Variants in SLC8A2 observed in about 807,000 individuals in gnomAD.
SLC8A2 encodes the protein solute carrier family 8 member A2, also known as sodium/calcium exchanger 2.
A neutral mutation model predicts 70.2 loss-of-function variants in SLC8A2; 14 were observed. That is an observed-to-expected ratio of 0.20 (90% CI 0.13 to 0.31). SLC8A2 has a LOEUF of 0.31. Among genes scored for constraint, SLC8A2 ranks in the 10% least tolerant of loss-of-function variants. The pLI is 1.00. For missense variants in SLC8A2, 779 were observed against 1,320.1 expected (o/e 0.59, Z 6.35); for synonymous variants, 575 against 594.3 (o/e 0.97, Z 0.47).
At position 47,457,532 on chromosome 19, in the gene SLC8A2, G is replaced by C; in HGVS notation, c.738C>G (p.Ala246=). ...FPVCVVFAWM[A]DKRLLFYKYV... is the part of the protein sequence containing the mutation. Reference sequence around the variant, plus strand: ...ACTTGTAGAAGAGCAGCCGCTTGTCGGCCATCCAGGCGAATACCACGCACA... The same window carrying C: ...ACTTGTAGAAGAGCAGCCGCTTGTCCGCCATCCAGGCGAATACCACGCACA... The change falls in exon 3 of 10, where the codon GCC becomes GCG. Residue 246 remains alanine (A), a synonymous_variant. Coordinates refer to ENST00000236877, the MANE Select transcript of SLC8A2 (RefSeq NM_015063.3). 6.2e-7 allele frequency: 1 copy of C among 1,602,494 alleles called. No homozygotes were observed. The highest frequency in any genetic ancestry group is 1.1e-5 in the South Asian group (1 of 88,888).
rs1025295080 is a variant in SLC8A2 at position 47,429,240 on chromosome 19, GT to G, written c.*848del. 1.2e-4 allele frequency: 19 copies of G among 152,500 alleles called. No homozygotes were observed. Among genetic ancestry groups the G allele is most frequent in the African/African-American group, 4.6e-4 (19 of 41,372 alleles). The allele number at this position is 152,500 out of a possible 1,614,324, so 9.4% of individuals were successfully genotyped here. Reference sequence around the variant, plus strand: ...GGAGTCTGCTGCCCTCTCAAAAGTTGTCTGTCACCCCCTTTTCCCAAGACAT... The same window carrying G: ...GGAGTCTGCTGCCCTCTCAAAAGTTGCTGTCACCCCCTTTTCCCAAGACAT... On this transcript the variant is annotated 3_prime_UTR_variant, in exon 10 of 10. Transcript: ENST00000236877.
Position 47,466,424 on chromosome 19 carries a change from G to C in SLC8A2, c.-16-5C>G. On this transcript the variant is annotated splice_polypyrimidine_tract_variant and splice_region_variant and intron_variant, in intron 1 of 9. Transcript: ENST00000236877. This position sits in a 1 kb window ranked among gnomAD's most constrained non-coding sequence, Gnocchi z 6.9. ...GCCATGGGGGGTGGTGGGGTCCTATGGGGGAGGAGGAGGAGGTCTGGGTGA... is the reference window on the plus strand; with the variant it reads ...GCCATGGGGGGTGGTGGGGTCCTATCGGGGAGGAGGAGGAGGTCTGGGTGA... 1 of 1,106,028 alleles carries C rather than the reference G, an allele frequency of 9.0e-7. No individual in the cohort carries two copies. Among genetic ancestry groups the C allele is most frequent in the Non-Finnish European group, 1.3e-6 (1 of 798,738 alleles). 68.5% of individuals were successfully genotyped at this position (1,106,028 alleles called of 1,614,324 possible).
intron 4 of SLC8A2, among the ~76,000 whole-genome samples, chr19:47,444,232 T>C (rs1442698364): frequency 6.6e-6 from 1 of 151,986 alleles, no homozygotes; most frequent in African/African-American, 2.4e-5. Flanking sequence ...CCTGTCTCTG[T>C]CTTTCAGAGT....
chr19:47,447,678 C>A lies in SLC8A2; in HGVS notation c.1763+131G>T. Reference sequence around the variant, plus strand: ...TGCGGGCACGGCCACGCAGGCCCCTCCCCTCCCGAGGCCCAACCAAGACCC... The same window carrying A: ...TGCGGGCACGGCCACGCAGGCCCCTACCCTCCCGAGGCCCAACCAAGACCC... On this transcript the variant is annotated intron_variant, in intron 4 of 9. Coordinates refer to ENST00000236877, the MANE Select transcript of SLC8A2 (RefSeq NM_015063.3). The surrounding 1 kb of genome is among the most constrained non-coding windows in gnomAD (Gnocchi z 5.1). 3.1e-6 allele frequency: 3 copies of A among 976,780 alleles called. No individual in the cohort carries two copies. The highest frequency in any genetic ancestry group is 1.7e-5 in the African/African-American group (1 of 57,152). The allele number at this position is 976,780 out of a possible 1,614,324, so 60.5% of individuals were successfully genotyped here. A position where few individuals can be genotyped will look rare whatever the true frequency, so the allele number is the denominator to read the frequency against.
intron 6 of SLC8A2, among the ~76,000 whole-genome samples, chr19:47,439,112 C>T (rs1051403511): frequency 2.0e-5 from 3 of 152,180 alleles, no homozygotes; most frequent in Non-Finnish European, 4.4e-5. Context: ...AACTCTCTTG[C>T]CCTGTTCACC....
rs574989557 is a variant in SLC8A2, at chr19:47,443,615, C to G, written c.1764-2175G>C. The stretch of plus-strand genomic sequence containing the variant: ...GTCAGTTAGCACGACTCCCCCACCA[C>G]AGCCTTGGCGACATCGCCACCCTGC... On this transcript the variant is annotated intron_variant, in intron 4 of 9. Transcript: ENST00000236877. 2.9e-4 allele frequency among the ~76,000 whole-genome samples: 44 copies of G among 152,366 alleles called. 1 individual carries two copies. The South Asian group carries it at 9.1e-3, about 32-fold the overall frequency.
At position 47,465,849 on chromosome 19, in the gene SLC8A2, T is replaced by A. The variant is rs759770563; in HGVS notation, c.555A>T (p.Pro185=). The change falls in exon 2 of 10, where the codon CCA becomes CCT. Residue 185 remains proline (P), a synonymous_variant. Transcript: ENST00000236877. The surrounding 1 kb of genome is among the most constrained non-coding windows in gnomAD (Gnocchi z 5.5). ...VVIAVCIYVI[P]AGESRKIKHL... is the part of the protein sequence containing the mutation. ...GCTTGATCTTGCGGCTCTCGCCGGCTGGGATGACGTAGATGCACACGGCGA... is the reference window on the plus strand; with the variant it reads ...GCTTGATCTTGCGGCTCTCGCCGGCAGGGATGACGTAGATGCACACGGCGA... 1 of 1,614,170 alleles carries A rather than the reference T, an allele frequency of 6.2e-7. No homozygotes were observed. The highest frequency in any genetic ancestry group is 8.5e-7 in the Non-Finnish European group (1 of 1,180,038).
intron 4 of SLC8A2, among the ~76,000 whole-genome samples, chr19:47,442,910 T>G (rs1057234912): frequency 3.3e-5 from 5 of 152,156 alleles, no homozygotes; most frequent in African/African-American, 1.2e-4. Flanking sequence ...CTTGAACTCC[T>G]GCCCTCAAGT....
At chr19:47,461,392 C>G (rs954647095) in intron 2 of SLC8A2, among the ~76,000 whole-genome samples, 22 of 152,038 alleles carry the variant, frequency 1.4e-4, no homozygotes, top group Non-Finnish European at 2.5e-4. Context: ...GCCTGTAATT[C>G]CAGCTATTAG....
At chr19:47,461,356 A>G (rs530590888) in intron 2 of SLC8A2, among the ~76,000 whole-genome samples, 33 of 152,038 alleles carry the variant, frequency 2.2e-4, no homozygotes, top group Non-Finnish European at 3.7e-4. Context: ...TAAAAATACA[A>G]AAATCAGCCA....
chr19:47,467,636 T>C (rs1339199873), intron 1 of SLC8A2, among the ~76,000 whole-genome samples: 2 of 152,058 alleles, frequency 1.3e-5, no homozygotes, highest in Non-Finnish European at 2.9e-5. Context: ...TTTCATTATT[T>C]CTCTCCCTAC....
At chr19:47,462,690 C>T (rs561778679) in intron 2 of SLC8A2, among the ~76,000 whole-genome samples, 13 of 151,290 alleles carry the variant, frequency 8.6e-5, no homozygotes, top group Admixed American at 4.6e-4. Flanking sequence ...CAGGTTCAAG[C>T]GATTCTCCTG....
At chr19:47,459,002 TTC>T (rs144968724) in intron 2 of SLC8A2, among the ~76,000 whole-genome samples, 1 of 147,096 alleles carries the variant, frequency 6.8e-6, no homozygotes. Context: ...CCACCCCCTT[TTC>T]TCTCTCTCTC....
intron 2 of SLC8A2, among the ~76,000 whole-genome samples, chr19:47,463,501 G>T (rs979824674): frequency 6.7e-6 from 1 of 149,226 alleles, no homozygotes; most frequent in East Asian, 2.0e-4. Context: ...GGAGGCTGAG[G>T]CGGGCAGATC....
intron 8 of SLC8A2, among the ~76,000 whole-genome samples, chr19:47,434,029 T>G (rs971874589): frequency 6.6e-6 from 1 of 152,212 alleles, no homozygotes; most frequent in Non-Finnish European, 1.5e-5. Context: ...AAGCAATGAA[T>G]GAGAATCAAT....
At chr19:47,441,967 T>C (rs1967105229) in intron 4 of SLC8A2, among the ~76,000 whole-genome samples, 1 of 152,154 alleles carries the variant, frequency 6.6e-6, no homozygotes, top group South Asian at 2.1e-4. Flanking sequence ...CTGGGTGTGG[T>C]GGCACATGCC....
intron 1 of SLC8A2, among the ~76,000 whole-genome samples, chr19:47,471,395 A>C (rs778210209): frequency 6.6e-6 from 1 of 151,704 alleles, no homozygotes; most frequent in Admixed American, 6.6e-5. Flanking sequence ...AGAGACAGGG[A>C]CTCCCAGAGG....
intron 2 of SLC8A2, among the ~76,000 whole-genome samples, chr19:47,463,426 C>A (rs1302883573): frequency 6.7e-6 from 1 of 149,044 alleles, no homozygotes; most frequent in Non-Finnish European, 1.5e-5. Flanking sequence ...AGCCACAGCA[C>A]CCGGCCCAGA....
intron 8 of SLC8A2, among the ~76,000 whole-genome samples, chr19:47,435,753 G>C (rs1188162072): frequency 6.6e-6 from 1 of 151,940 alleles, no homozygotes; most frequent in Admixed American, 6.6e-5. Context: ...TCTCCATGTT[G>C]GTCAGGCTGG....
Sources: allele counts gnomAD v4.1 joint callset (sites outside exome capture counted in the v4.1 genomes callset), GRCh38; gene constraint gnomAD v4.1.1; non-coding constraint Gnocchi (gnomAD v3.1); transcripts MANE v1.5; gene names NCBI Gene and HGNC (gene_info 2026-07-23, HGNC 2026-07-21).